Variants in MEF2C observed in about 807,000 individuals in gnomAD.
MEF2C encodes myocyte enhancer factor 2C, also known as myocyte-specific enhancer factor 2C.
A neutral mutation model predicts 50.5 loss-of-function variants in MEF2C; 6 were observed. The observed-to-expected ratio is 0.12, with a 90% CI of 0.07 to 0.23. MEF2C has a LOEUF of 0.23. MEF2C is among the 10% of genes least tolerant of loss of function. The probability of loss-of-function intolerance (pLI) is 1.00; values close to 1 mark genes in which losing one functional copy is unlikely to be tolerated. For missense variants in MEF2C, 276 were observed against 605.0 expected (o/e 0.46, Z 5.70); for synonymous variants, 183 against 228.0 (o/e 0.80, Z 1.78).
chr5:88,890,022 C>T (rs979796834), intron 1 of MEF2C, among the ~76,000 whole-genome samples: 6 of 152,198 alleles, frequency 3.9e-5, no homozygotes, highest in Non-Finnish European at 8.8e-5. Context: ...CCGCCCCTGT[C>T]CCACTCTGGC....
upstream of MEF2C, chr5:88,883,807 G>C (rs1833674520): frequency 6.6e-6 from 1 of 152,032 alleles, no homozygotes; most frequent in East Asian, 1.9e-4. Flanking sequence ...CAAACATACA[G>C]CAGCTCCCTC....
chr5:88,811,847 T>C (rs774152627), intron 2 of MEF2C, among the ~76,000 whole-genome samples: 2 of 152,080 alleles, frequency 1.3e-5, no homozygotes, highest in African/African-American at 2.4e-5. Context: ...GGCAGTACAA[T>C]GTAGAAAGAA....
chr5:88,772,598 T>C (rs1434445835), intron 3 of MEF2C: 2 of 365,488 alleles, frequency 5.5e-6, no homozygotes, highest in East Asian at 3.3e-4. Context: ...ATTTCTTAAA[T>C]AGCAGGCAGA....
chr5:88,731,072 A>T (rs1377626229), intron 7 of MEF2C, among the ~76,000 whole-genome samples: 1 of 152,124 alleles, frequency 6.6e-6, no homozygotes, highest in African/African-American at 2.4e-5. Flanking sequence ...AAAATTTCTT[A>T]TTTATTTATC....
chr5:88,795,047 C>T (rs1039666013), intron 3 of MEF2C, among the ~76,000 whole-genome samples: 3 of 152,078 alleles, frequency 2.0e-5, no homozygotes, highest in Non-Finnish European at 2.9e-5. Flanking sequence ...TTGCTTTAGC[C>T]TTGTGGTATA....
In MEF2C at chr5:88,722,552, G is replaced by A. The variant is rs1756667640; in HGVS notation, c.*52C>T. 4 of 1,445,008 alleles carry A rather than the reference G, an allele frequency of 2.8e-6. No homozygotes were observed. The South Asian group carries it at 3.8e-5, about 14-fold the overall frequency. The allele number at this position is 1,445,008 out of a possible 1,614,324, so 89.5% of individuals were successfully genotyped here. A position where few individuals can be genotyped will look rare whatever the true frequency, so the allele number is the denominator to read the frequency against. ...GACCCCCCTTCCCCATTAAGGTATA[G>A]CACACACACACACTGCAAGAAAAAA... is the stretch of plus-strand genomic sequence containing the variant. On this transcript the variant is annotated 3_prime_UTR_variant, in exon 11 of 11. Coordinates refer to ENST00000504921, the MANE Select transcript of MEF2C (RefSeq NM_002397.5).
chr5:88,789,469 A>C (rs1792687458), intron 3 of MEF2C, among the ~76,000 whole-genome samples: 1 of 151,852 alleles, frequency 6.6e-6, no homozygotes, highest in African/African-American at 2.4e-5. Flanking sequence ...TGCCTGCTAT[A>C]ACTATTTTTT....
At chr5:88,804,527 G>C in intron 3 of MEF2C, 71 bp downstream of exon 3, 1 of 1,323,780 alleles carries the variant, frequency 7.6e-7, no homozygotes, top group African/African-American at 1.4e-5. Flanking sequence ...GTGTGTATGT[G>C]TGTGTGGCAG....
At chr5:88,886,221 C>G (rs1834032956), upstream of MEF2C, among the ~76,000 whole-genome samples, 1 of 152,148 alleles carries the variant, frequency 6.6e-6, no homozygotes, top group African/African-American at 2.4e-5. Context: ...AGAAAATCAC[C>G]TGAGATTTAA....
intron 1 of MEF2C, among the ~76,000 whole-genome samples, chr5:88,847,320 A>ATT (rs1369234901): frequency 6.6e-6 from 1 of 152,214 alleles, no homozygotes; most frequent in Non-Finnish European, 1.5e-5. Flanking sequence ...GTATGTTATA[A>ATT]TAAGACTTGC....
chr5:88,731,515 CA>C (rs909354037), intron 7 of MEF2C: 2 of 478,138 alleles, frequency 4.2e-6, no homozygotes, highest in African/African-American at 3.9e-5. Flanking sequence ...TGAAGTTCAC[CA>C]GATATATATA....
At chr5:88,735,274 A>G in intron 6 of MEF2C, 1 of 985,410 alleles carries the variant, frequency 1.0e-6, no homozygotes, top group Non-Finnish European at 1.2e-6. Flanking sequence ...GAATGGTCGC[A>G]TTTAAATTCA....
intron 10 of MEF2C, among the ~76,000 whole-genome samples, chr5:88,723,998 C>T (rs1757477646): frequency 6.6e-6 from 1 of 152,146 alleles, no homozygotes; most frequent in Admixed American, 6.5e-5. Context: ...AGTGGCATTG[C>T]TCGCATCAAT....
chr5:88,735,489 A>G (rs763960171), intron 6 of MEF2C: 2 of 985,144 alleles, frequency 2.0e-6, no homozygotes, highest in Non-Finnish European at 2.4e-6. Context: ...ATTATAGATT[A>G]TAAGAAAATG....
intron 2 of MEF2C, among the ~76,000 whole-genome samples, chr5:88,820,236 T>C (rs1581195201): frequency 6.6e-6 from 1 of 151,994 alleles, no homozygotes; most frequent in Admixed American, 6.6e-5. Flanking sequence ...GAAATAGTTT[T>C]TGTAAACTTG....
chr5:88,757,033 G>A (rs1580181369), intron 4 of MEF2C, among the ~76,000 whole-genome samples: 2 of 151,712 alleles, frequency 1.3e-5, no homozygotes, highest in African/African-American at 4.8e-5. Context: ...TGACAGCAGA[G>A]TATTTAACCA....
intron 1 of MEF2C, among the ~76,000 whole-genome samples, chr5:88,889,670 G>A (rs951833555): frequency 1.2e-4 from 18 of 152,100 alleles, no homozygotes; most frequent in Non-Finnish European, 1.9e-4. Context: ...GGGGAAAAGC[G>A]TCCGGTGGTT....
rs552040663 is a variant in MEF2C, at chr5:88,743,898, C to T, written c.637+5172G>A. On this transcript the variant is annotated intron_variant, in intron 6 of 10. Coordinates refer to ENST00000504921, the MANE Select transcript of MEF2C (RefSeq NM_002397.5). ...TTTTTATAAAATTATATCTAATTTA[C>T]AATAAATGCCAATTAAAATTATTAA... 3.4e-4 allele frequency: 308 copies of T among 911,974 alleles called. 1 individual carries two copies. The African/African-American group carries it at 5.2e-3, about 15-fold the overall frequency. 56.5% of individuals were successfully genotyped at this position (911,974 alleles called of 1,614,324 possible). A position where few individuals can be genotyped will look rare whatever the true frequency, so the allele number is the denominator to read the frequency against.
chr5:88,811,948 T>C (rs1055770034), intron 2 of MEF2C, among the ~76,000 whole-genome samples: 1 of 152,154 alleles, frequency 6.6e-6, no homozygotes, highest in African/African-American at 2.4e-5. Flanking sequence ...GAACCCCAGT[T>C]TCCTCACCTG....
Sources: allele counts gnomAD v4.1 joint callset (sites outside exome capture counted in the v4.1 genomes callset), GRCh38; gene constraint gnomAD v4.1.1; transcripts MANE v1.5; gene names NCBI Gene and HGNC (gene_info 2026-07-23, HGNC 2026-07-21).